The following ZNF280D variants were observed in gnomAD, a reference collection of about 807,000 sequenced individuals.
The protein encoded by ZNF280D is suppressor of hairy wing homolog 4.
In ZNF280D, 39 loss-of-function variants were observed where a neutral mutation model predicts 94.7. The observed-to-expected ratio is 0.41, with a 90% CI of 0.32 to 0.54. The LOEUF is 0.54. Ranked by LOEUF, ZNF280D falls within the 20% of genes least tolerant of loss-of-function variation. The pLI, the probability that ZNF280D is intolerant of heterozygous loss-of-function variation, is 0.22. For missense variants in ZNF280D, 1,090 were observed against 1,149.3 expected, an observed-to-expected ratio of 0.95 and a Z score of 0.75; for synonymous variants, 398 against 377.6, an observed-to-expected ratio of 1.05 and a Z score of -0.63.
chr15:56,729,697 T>G (rs2058794736), intron 1 of ZNF280D: 1 of 152,176 alleles, frequency 6.6e-6, no homozygotes, highest in African/African-American at 2.4e-5. Context: ...CAAGAAGAAA[T>G]TCCTCATGCA....
chr15:56,729,974 T>C (rs1454402785), intron 1 of ZNF280D: 3 of 152,328 alleles, frequency 2.0e-5, no homozygotes, highest in South Asian at 2.1e-4. Context: ...TACAAAGATA[T>C]CTGCTGTATT....
intron 3 of ZNF280D, among the ~76,000 whole-genome samples, chr15:56,706,183 A>G (rs2057390147): frequency 7.1e-6 from 1 of 141,616 alleles, no homozygotes; most frequent in Admixed American, 7.7e-5. Flanking sequence ...AGATGTAAGG[A>G]GAAGATGGAG....
Position 56,702,910 on chromosome 15 carries a change from AACACACACACACAC to A in ZNF280D, c.175+1197_175+1210del, listed in dbSNP as rs59095987. 3.7e-3 allele frequency among the ~76,000 whole-genome samples: 508 copies of A among 135,756 alleles called. 1 individual carries two copies. Among genetic ancestry groups the A allele is most frequent in the African/African-American group, 4.4e-3 (162 of 36,898 alleles). 89.1% of individuals were successfully genotyped at this position (135,756 alleles called of 152,430 possible). ...CTTTTAAGCACTACCATGGTAAGTA[AACACACACACACAC>A]ACACACACACACACACACACACACA... On this transcript the variant is annotated intron_variant, in intron 4 of 21. Coordinates refer to ENST00000267807, the MANE Select transcript of ZNF280D (RefSeq NM_017661.4).
At chr15:56,718,706 T>C (rs1596656894) in intron 1 of ZNF280D, among the ~76,000 whole-genome samples, 2 of 152,292 alleles carry the variant, frequency 1.3e-5, no homozygotes, top group African/African-American at 4.8e-5. Flanking sequence ...GCAAACCACT[T>C]GCTCTAGTTA....
intron 19 of ZNF280D, among the ~76,000 whole-genome samples, chr15:56,647,880 T>C (rs539682467): frequency 6.6e-6 from 1 of 152,176 alleles, no homozygotes; most frequent in Non-Finnish European, 1.5e-5. Context: ...ATCCAGAGAA[T>C]GACTCCTCCA....
At chr15:56,691,564 G>C (rs1286916967) in intron 7 of ZNF280D, among the ~76,000 whole-genome samples, 2 of 152,104 alleles carry the variant, frequency 1.3e-5, no homozygotes, top group African/African-American at 4.8e-5. Context: ...TCTCTGCTGT[G>C]TTTGGCTTGT....
intron 17 of ZNF280D, among the ~76,000 whole-genome samples, chr15:56,657,048 A>G (rs1176176631): frequency 6.6e-6 from 1 of 152,166 alleles, no homozygotes; most frequent in Non-Finnish European, 1.5e-5. Flanking sequence ...ATTTTCCACT[A>G]ATCAAAAGCA....
At chr15:56,652,969 AAT>A (rs2053297538) in intron 19 of ZNF280D, 1 of 912,334 alleles carries the variant, frequency 1.1e-6, no homozygotes, top group South Asian at 5.1e-5. Context: ...GACATCATAA[AAT>A]AGACATTAAT....
intron 6 of ZNF280D, among the ~76,000 whole-genome samples, chr15:56,694,282 TATA>T (rs1243987833): frequency 1.4e-5 from 2 of 143,184 alleles, no homozygotes; most frequent in Admixed American, 7.4e-5. Context: ...ATACATTAAA[TATA>T]ATGACACATA....
chr15:56,663,293 A>AAG (rs1184018484), intron 16 of ZNF280D, among the ~76,000 whole-genome samples: 1 of 150,878 alleles, frequency 6.6e-6, no homozygotes, highest in Non-Finnish European at 1.5e-5. Flanking sequence ...AAAAAAAAAA[A>AAG]AAAAAAGGAA....
intron 6 of ZNF280D, among the ~76,000 whole-genome samples, chr15:56,694,555 T>C (rs1465319429): frequency 6.6e-6 from 1 of 152,032 alleles, no homozygotes; most frequent in Non-Finnish European, 1.5e-5. Context: ...GAACAACATA[T>C]ACGAAATACC....
At chr15:56,650,620 A>G (rs191174284) in intron 19 of ZNF280D, among the ~76,000 whole-genome samples, 7 of 152,314 alleles carry the variant, frequency 4.6e-5, no homozygotes, top group African/African-American at 1.7e-4. Flanking sequence ...CCAGTTAAGT[A>G]GCCTAGTTTA....
rs1596309049 is a variant in ZNF280D, at chr15:56,631,356, G to A, written c.*142C>T. The A allele has an allele frequency of 5.9e-6, 5 of 848,972 alleles. No individual in the cohort carries two copies. In the East Asian group the frequency reaches 1.2e-4, roughly 21 times the overall value. 52.6% of individuals were successfully genotyped at this position (848,972 alleles called of 1,614,324 possible). A position where few individuals can be genotyped will look rare whatever the true frequency, so the allele number is the denominator to read the frequency against. On this transcript the variant is annotated 3_prime_UTR_variant, in exon 22 of 22. Transcript: ENST00000267807. ...TGAATTGATTTGTTTGATAACATAGGTTGAACATACAGGTAAAGTGTATGT... is the reference window on the plus strand; with the variant it reads ...TGAATTGATTTGTTTGATAACATAGATTGAACATACAGGTAAAGTGTATGT...
rs113557375 is a variant in ZNF280D, at chr15:56,723,444, T to C, written c.-86+10014A>G. Reference sequence around the variant, plus strand: ...TTTCCTTTTGAGGAGCTGAAAATATTATGGAATTAGTGTTGACAGTTGTAC... The same window carrying C: ...TTTCCTTTTGAGGAGCTGAAAATATCATGGAATTAGTGTTGACAGTTGTAC... On this transcript the variant is annotated intron_variant, in intron 1 of 21. Coordinates refer to ENST00000267807, the MANE Select transcript of ZNF280D (RefSeq NM_017661.4). Among the ~76,000 whole-genome samples, 1,194 of 152,266 alleles carry C rather than the reference T, an allele frequency of 7.8e-3. 6 individuals are homozygous for C. The highest frequency in any genetic ancestry group is 0.017 in the Middle Eastern group (5 of 294).
chr15:56,710,130 C>T (rs1299324825), intron 1 of ZNF280D, among the ~76,000 whole-genome samples: 4 of 152,216 alleles, frequency 2.6e-5, no homozygotes, highest in Non-Finnish European at 4.4e-5. Context: ...AGGACGGGCG[C>T]GGCGGCTCAC....
chr15:56,654,337 C>T (rs1174004917), intron 18 of ZNF280D, 48 bp downstream of exon 18: 4 of 1,594,144 alleles, frequency 2.5e-6, no homozygotes, highest in African/African-American at 1.4e-5. Flanking sequence ...ACCAAAAATA[C>T]TGGAATAAAA....
chr15:56,693,011 A>T, intron 7 of ZNF280D, 87 bp downstream of exon 7: 2 of 741,068 alleles, frequency 2.7e-6, no homozygotes, highest in Non-Finnish European at 4.6e-6. Context: ...ACACAAGGGT[A>T]GGGACTTCAA....
Position 56,719,795 on chromosome 15 carries a change from G to C in ZNF280D, c.-85-12489C>G, listed in dbSNP as rs556170034. Among the ~76,000 whole-genome samples, 119 of 144,142 alleles carry C rather than the reference G, an allele frequency of 8.3e-4. 1 individual carries two copies. Among genetic ancestry groups the C allele is most frequent in the African/African-American group, 2.9e-3 (114 of 39,170 alleles). 94.6% of individuals were successfully genotyped at this position (144,142 alleles called of 152,430 possible). A position where few individuals can be genotyped will look rare whatever the true frequency, so the allele number is the denominator to read the frequency against. The stretch of plus-strand genomic sequence containing the variant: ...GTTTGGTTTCTCAGTGAATATAAAA[G>C]TTAGGTTTACAACTATAGTGTAGTC... On this transcript the variant is annotated intron_variant, in intron 1 of 21. Coordinates refer to ENST00000267807, the MANE Select transcript of ZNF280D (RefSeq NM_017661.4).
chr15:56,713,594 A>G (rs1321530598), intron 1 of ZNF280D, among the ~76,000 whole-genome samples: 2 of 152,178 alleles, frequency 1.3e-5, no homozygotes, highest in African/African-American at 2.4e-5. Context: ...TAGAATTCCA[A>G]TCTCAGATGA....
Sources: allele counts gnomAD v4.1 joint callset (sites outside exome capture counted in the v4.1 genomes callset), GRCh38; gene constraint gnomAD v4.1.1; transcripts MANE v1.5; gene names NCBI Gene and HGNC (gene_info 2026-07-23, HGNC 2026-07-21).